PRR16: variants seen among roughly 807,000 people sequenced by gnomAD.
PRR16 encodes proline rich 16, also known as protein Largen.
In PRR16, 6 loss-of-function variants were observed where a neutral mutation model predicts 18.2. The ratio of observed to expected loss-of-function variants is 0.33; its 90% CI spans 0.18 to 0.65. PRR16 has a LOEUF of 0.65. PRR16 is among the 30% of genes least tolerant of loss of function. The pLI is 0.74. For synonymous variants in PRR16, 151 were observed against 147.8 expected, an observed-to-expected ratio of 1.02 and a Z score of -0.16; for missense variants, 412 against 376.6, an observed-to-expected ratio of 1.09 and a Z score of -0.78.
intron 1 of PRR16, among the ~76,000 whole-genome samples, chr5:120,512,260 A>C (rs1377349988): frequency 1.3e-5 from 2 of 148,630 alleles, no homozygotes; most frequent in East Asian, 3.9e-4. Context: ...TTTCTGTGAG[A>C]CATGACTTTC....
At chr5:120,777,610 T>G in the PRR16 span, among the ~76,000 whole-genome samples, 3 of 152,090 alleles carry the variant, frequency 2.0e-5, no homozygotes, top group Non-Finnish European at 4.4e-5. Context: ...CAGATGAGAA[T>G]CTGAGAACCA....
intron 1 of PRR16, among the ~76,000 whole-genome samples, chr5:120,502,996 T>C (rs1306270925): frequency 6.6e-6 from 1 of 152,208 alleles, no homozygotes; most frequent in African/African-American, 2.4e-5. Flanking sequence ...TTTTTTTCTG[T>C]TCGCAATTCC....
chr5:120,494,225 C>A (rs554444400), intron 1 of PRR16, among the ~76,000 whole-genome samples: 1 of 152,098 alleles, frequency 6.6e-6, no homozygotes, highest in East Asian at 1.9e-4. Context: ...TCTAGTTATT[C>A]TGAGTGTAGT....
chr5:120,729,464 T>A, the PRR16 span, among the ~76,000 whole-genome samples: 4 of 152,160 alleles, frequency 2.6e-5, no homozygotes, highest in Non-Finnish European at 4.4e-5. Context: ...AGATGCTCAC[T>A]AATATATTTT....
At chr5:120,763,214 T>C in the PRR16 span, among the ~76,000 whole-genome samples, 1 of 152,040 alleles carries the variant, frequency 6.6e-6, no homozygotes, top group East Asian at 1.9e-4. Flanking sequence ...TGGCATGATA[T>C]CGGCTCACTG....
chr5:120,717,903 A>G, the PRR16 span, among the ~76,000 whole-genome samples: 1 of 152,198 alleles, frequency 6.6e-6, no homozygotes, highest in East Asian at 1.9e-4. Context: ...GGTTTGCTTT[A>G]TACATTTAAC....
intron 1 of PRR16, among the ~76,000 whole-genome samples, chr5:120,508,874 A>G (rs1194392265): frequency 1.3e-5 from 2 of 152,146 alleles, no homozygotes; most frequent in Non-Finnish European, 2.9e-5. Flanking sequence ...TCATGTCATA[A>G]GAAGGTCTAG....
At chr5:120,513,585 T>A (rs1444796959) in intron 1 of PRR16, among the ~76,000 whole-genome samples, 1 of 152,084 alleles carries the variant, frequency 6.6e-6, no homozygotes, top group African/African-American at 2.4e-5. Context: ...CCTCAGACAT[T>A]CGTTACCCAC....
At chr5:120,761,477 C>T in the PRR16 span, among the ~76,000 whole-genome samples, 27 of 152,076 alleles carry the variant, frequency 1.8e-4, no homozygotes, top group Non-Finnish European at 3.2e-4. Flanking sequence ...CTCTTTTGTT[C>T]GTGGTATTAG....
At chr5:120,716,377 C>A in the PRR16 span, among the ~76,000 whole-genome samples, 2 of 152,174 alleles carry the variant, frequency 1.3e-5, no homozygotes, top group Non-Finnish European at 2.9e-5. Context: ...ACATATATTT[C>A]CACTATCTAC....
the PRR16 span, among the ~76,000 whole-genome samples, chr5:120,757,504 G>A: frequency 6.6e-6 from 1 of 151,474 alleles, no homozygotes; most frequent in Non-Finnish European, 1.5e-5. Flanking sequence ...GTGTTTTCTG[G>A]GTGAAAATTT....
At chr5:120,701,863 A>C in the PRR16 span, among the ~76,000 whole-genome samples, 1 of 152,108 alleles carries the variant, frequency 6.6e-6, no homozygotes. Flanking sequence ...CATGACAAGA[A>C]TTATTTAGAT....
chr5:120,778,267 G>T, the PRR16 span, among the ~76,000 whole-genome samples: 1 of 152,090 alleles, frequency 6.6e-6, no homozygotes, highest in East Asian at 1.9e-4. Flanking sequence ...AAACTTGTAG[G>T]ATATCTTATT....
intron 1 of PRR16, among the ~76,000 whole-genome samples, chr5:120,619,885 A>G (rs1754631824): frequency 6.6e-6 from 1 of 152,110 alleles, no homozygotes; most frequent in Non-Finnish European, 1.5e-5. Context: ...CAAGTAGAAG[A>G]CTAAAACAAT....
At chr5:120,664,922 TG>T (rs1490684488) in intron 1 of PRR16, among the ~76,000 whole-genome samples, 3 of 152,014 alleles carry the variant, frequency 2.0e-5, no homozygotes, top group Non-Finnish European at 4.4e-5. Context: ...AACATATGTG[TG>T]CATGTATCTT....
At chr5:120,562,421 T>A (rs150952010) in intron 1 of PRR16, among the ~76,000 whole-genome samples, 6 of 152,274 alleles carry the variant, frequency 3.9e-5, no homozygotes, top group African/African-American at 4.8e-5. Flanking sequence ...TGACTTTTTT[T>A]ATATACATAC....
At chr5:120,468,860 T>C (rs1158827332) in intron 1 of PRR16, among the ~76,000 whole-genome samples, 2 of 152,232 alleles carry the variant, frequency 1.3e-5, no homozygotes, top group Non-Finnish European at 2.9e-5. Flanking sequence ...TGATTTCAAG[T>C]AACAAGGCTA....
At chr5:120,494,274 G>A (rs1219738598) in intron 1 of PRR16, among the ~76,000 whole-genome samples, 1 of 151,986 alleles carries the variant, frequency 6.6e-6, no homozygotes, top group East Asian at 1.9e-4. Flanking sequence ...ATCCCTGATG[G>A]CAATAATGTT....
chr5:120,716,401 A>C, the PRR16 span, among the ~76,000 whole-genome samples: 1 of 152,194 alleles, frequency 6.6e-6, no homozygotes, highest in Non-Finnish European at 1.5e-5. Flanking sequence ...ATAAACCAGC[A>C]TCAGATATTT....
Sources: gnomAD v4.1 joint callset for allele counts (sites outside exome capture counted in the v4.1 genomes callset) on GRCh38, gnomAD v4.1.1 for gene constraint, MANE v1.5 for transcripts, NCBI Gene and HGNC (gene_info 2026-07-23, HGNC 2026-07-21) for gene names.